Variants in ZNF354B observed in about 807,000 individuals in gnomAD.
ZNF354B encodes zinc finger protein 354B.
Under a neutral mutation model 12.9 loss-of-function variants are expected in ZNF354B, and 10 were observed. The observed-to-expected ratio is 0.77, with a 90% confidence interval of 0.48 to 1.31. ZNF354B has a LOEUF of 1.31. Ranked by LOEUF, ZNF354B falls within the 40% of genes most tolerant of loss-of-function variation. The pLI, the probability that ZNF354B is intolerant of heterozygous loss-of-function variation, is 0.00. For missense variants in ZNF354B, 614 were observed against 711.7 expected (o/e 0.86, Z 1.56); for synonymous variants, 260 against 243.7 (o/e 1.07, Z -0.62).
Position 178,884,208 on chromosome 5 carries a change from C to A in ZNF354B, c.1756C>A (p.Leu586Ile). 1 of 1,613,884 alleles carries A rather than the reference C, an allele frequency of 6.2e-7. No homozygotes were observed. The highest frequency in any genetic ancestry group is 1.1e-5 in the South Asian group (1 of 91,060). The change falls in exon 5 of 5, where the codon CTC becomes ATC. Residue 586 changes from leucine to isoleucine, a missense_variant. Coordinates refer to ENST00000322434, the MANE Select transcript of ZNF354B (RefSeq NM_058230.3). The part of the protein sequence containing the change: ...KPYECNACGK[L>I]FSQRSSLTNH... The stretch of plus-strand genomic sequence containing the variant: ...CTATGAATGTAATGCATGTGGGAAA[C>A]TCTTTAGCCAGAGGTCATCCCTTAC...
At position 178,866,366 on chromosome 5, in the gene ZNF354B, A is replaced by T; in HGVS notation, c.156A>T (p.Ser52=). 1 of 1,611,922 alleles carries T rather than the reference A, an allele frequency of 6.2e-7. No individual in the cohort carries two copies. The highest frequency in any genetic ancestry group is 8.5e-7 in the Non-Finnish European group (1 of 1,179,258). Residue 52 remains serine (S), a synonymous_variant, in exon 3 of 5, where the codon TCA becomes TCT. Coordinates refer to ENST00000322434, the MANE Select transcript of ZNF354B (RefSeq NM_058230.3). ...TGGAGAACTATAGGAACCTGGTCTC[A>T]CTGGGTAAGGAAATTTCCCCTCTAG... ...VMLENYRNLV[S]LGLSFTKPKV... is the part of the protein sequence containing the mutation.
At chr5:178,869,662 G>A (rs377057636) in intron 4 of ZNF354B, among the ~76,000 whole-genome samples, 6 of 152,154 alleles carry the variant, frequency 3.9e-5, no homozygotes, top group Non-Finnish European at 7.4e-5. Context: ...GAGGGATGCC[G>A]GGCACCTGAT....
rs1432310264 is a variant in ZNF354B at position 178,882,854 on chromosome 5, G to A, written c.402G>A (p.Gln134=). 6.2e-7 allele frequency: 1 copy of A among 1,607,138 alleles called. No individual in the cohort carries two copies. Among genetic ancestry groups the A allele is most frequent in the Non-Finnish European group, 8.5e-7 (1 of 1,178,428 alleles). Residue 134 remains glutamine (Q), a synonymous_variant, in exon 5 of 5, where the codon CAG becomes CAA. Transcript: ENST00000322434. ...TATATGAAGAGAAATTAAAGAAACAGCAGGACAAAAATGAAAATTTACAAA... is the reference window on the plus strand; with the variant it reads ...TATATGAAGAGAAATTAAAGAAACAACAGGACAAAAATGAAAATTTACAAA... ...SCIYEEKLKK[Q]QDKNENLQII...
At position 178,866,972 on chromosome 5, in the gene ZNF354B, G is replaced by A. The variant is rs1757469532; in HGVS notation, c.161-4G>A. On this transcript the variant is annotated splice_region_variant and splice_polypyrimidine_tract_variant and intron_variant, in intron 3 of 4. Transcript: ENST00000322434. ...CTTTTGTTGTTGTTGTTGTTTATGTGCAGGACTCTCATTTACCAAACCAAA... is the reference window on the plus strand; with the variant it reads ...CTTTTGTTGTTGTTGTTGTTTATGTACAGGACTCTCATTTACCAAACCAAA... 6.2e-7 allele frequency: 1 copy of A among 1,613,220 alleles called. No individual in the cohort carries two copies. The highest frequency in any genetic ancestry group is 8.5e-7 in the Non-Finnish European group (1 of 1,179,396).
intron 3 of ZNF354B, 85 bp downstream of exon 3, chr5:178,866,455 T>A: frequency 4.6e-6 from 7 of 1,523,946 alleles, no homozygotes; most frequent in Non-Finnish European, 6.2e-6. Context: ...AGTTGATCAC[T>A]GAAAAATTTG....
chr5:178,866,748 A>G (rs1474694972), intron 3 of ZNF354B, among the ~76,000 whole-genome samples: 1 of 152,164 alleles, frequency 6.6e-6, no homozygotes, highest in Non-Finnish European at 1.5e-5. Flanking sequence ...TTGCAGCCAG[A>G]TGAATCTTGT....
rs1197660924 is a variant in ZNF354B, at chr5:178,883,813, T to C, written c.1361T>C (p.Ile454Thr). The C allele has an allele frequency of 2.2e-5, 35 of 1,614,064 alleles. No homozygotes were observed. Among genetic ancestry groups the C allele is most frequent in the East Asian group, 4.5e-5 (2 of 44,882 alleles). The change falls in exon 5 of 5, where the codon ATT becomes ACT. Residue 454 changes from isoleucine to threonine, a missense_variant. By Grantham distance (89) the Ile-to-Thr change is moderately conservative. Transcript: ENST00000322434. ...GCCTTAAGCTCCCACTCAACACTTA[T>C]TATTCATGAGCGAATTCATACTGGA... ...GKALSSHSTL[I>T]IHERIHTGEK...
rs143058629 is a variant in ZNF354B, at chr5:178,880,594, A to G, written c.257-2115A>G. On this transcript the variant is annotated intron_variant, in intron 4 of 4. Coordinates refer to ENST00000322434, the MANE Select transcript of ZNF354B (RefSeq NM_058230.3). ...GGCTTATTGTAGCCTCCTGGGCTCA[A>G]GTGATCCTCCTGCCTCAGCCTTTTA... is the stretch of plus-strand genomic sequence containing the variant. Among the ~76,000 whole-genome samples, 750 of 151,746 alleles carry G rather than the reference A, an allele frequency of 4.9e-3. 8 individuals are homozygous for G. The highest frequency in any genetic ancestry group is 0.017 in the African/African-American group (710 of 41,328).
At chr5:178,878,584 T>C (rs1396677499) in intron 4 of ZNF354B, among the ~76,000 whole-genome samples, 1 of 152,216 alleles carries the variant, frequency 6.6e-6, no homozygotes, top group East Asian at 1.9e-4. Context: ...TTCCTTTCTT[T>C]CCTGTTCTAA....
At chr5:178,868,663 T>C (rs561513146) in intron 4 of ZNF354B, among the ~76,000 whole-genome samples, 1 of 152,200 alleles carries the variant, frequency 6.6e-6, no homozygotes, top group Admixed American at 6.5e-5. Context: ...GACTGAAGAA[T>C]TGCTCAGGCC....
At chr5:178,871,084 A>G (rs377102738) in intron 4 of ZNF354B, among the ~76,000 whole-genome samples, 2 of 152,104 alleles carry the variant, frequency 1.3e-5, no homozygotes, top group African/African-American at 4.8e-5. Flanking sequence ...AGAATTATCT[A>G]TTTAAAGAGT....
At chr5:178,879,815 A>C (rs1757691722) in intron 4 of ZNF354B, among the ~76,000 whole-genome samples, 1 of 152,226 alleles carries the variant, frequency 6.6e-6, no homozygotes, top group African/African-American at 2.4e-5. Flanking sequence ...GTTATGGAAA[A>C]GTTCGAGTAT....
chr5:178,879,617 G>A (rs184135646), intron 4 of ZNF354B, among the ~76,000 whole-genome samples: 6 of 152,060 alleles, frequency 3.9e-5, no homozygotes, highest in African/African-American at 1.2e-4. Flanking sequence ...GACCTCCTGT[G>A]ATCTGCCCGT....
intron 4 of ZNF354B, among the ~76,000 whole-genome samples, chr5:178,876,927 C>CTTTTTTTTTTTTTTTTTTTTTTT (rs71589405): frequency 7.1e-6 from 1 of 141,416 alleles, no homozygotes. Context: ...TTTTTTATGC[C>CTTTTTTTTTTTTTTTTTTTTTTT]TTTTTTTTTT....
intron 2 of ZNF354B, among the ~76,000 whole-genome samples, chr5:178,862,445 C>T (rs1757372621): frequency 6.7e-6 from 1 of 149,142 alleles, no homozygotes; most frequent in African/African-American, 2.5e-5. Flanking sequence ...CGGCTCACTG[C>T]AACCTCCGCC....
intron 4 of ZNF354B, among the ~76,000 whole-genome samples, chr5:178,871,928 A>C (rs1757568945): frequency 6.6e-6 from 1 of 152,186 alleles, no homozygotes; most frequent in Non-Finnish European, 1.5e-5. Context: ...TTTTATTTTA[A>C]GATAATAGTA....
In ZNF354B at chr5:178,877,701, A is replaced by G. The variant is rs143574699; in HGVS notation, c.257-5008A>G. Among the ~76,000 whole-genome samples, 342 of 152,288 alleles carry G rather than the reference A, an allele frequency of 2.2e-3. 1 individual carries two copies. The highest frequency in any genetic ancestry group is 8.0e-3 in the African/African-American group (333 of 41,558). On this transcript the variant is annotated intron_variant, in intron 4 of 4. Coordinates refer to ENST00000322434, the MANE Select transcript of ZNF354B (RefSeq NM_058230.3). ...GTCTTTATTGCCACTTTGGCCACCA[A>G]AGGCCACGCTAGGGATGCTAGTACG...
intron 2 of ZNF354B, among the ~76,000 whole-genome samples, chr5:178,861,784 TCTC>T (rs1211830676): frequency 1.3e-5 from 2 of 152,168 alleles, no homozygotes; most frequent in African/African-American, 4.8e-5. Context: ...TTTTAACCCA[TCTC>T]CTCTGTTGCT....
intron 4 of ZNF354B, among the ~76,000 whole-genome samples, chr5:178,877,272 C>T (rs1489131590): frequency 3.3e-5 from 5 of 152,060 alleles, no homozygotes; most frequent in South Asian, 2.1e-4. Context: ...TGGGTTTAAG[C>T]GATTCTTCTG....
Sources: allele counts gnomAD v4.1 joint callset (sites outside exome capture counted in the v4.1 genomes callset), GRCh38; gene constraint gnomAD v4.1.1; transcripts MANE v1.5; gene names NCBI Gene and HGNC (gene_info 2026-07-23, HGNC 2026-07-21).